The following STRBP variants were observed in gnomAD, a reference collection of about 807,000 sequenced individuals.
The protein encoded by STRBP is spermatid perinuclear RNA binding protein, also known as spermatid perinuclear RNA-binding protein.
A neutral mutation model predicts 80.1 loss-of-function variants in STRBP; 13 were observed. That is an observed-to-expected ratio of 0.16 (90% CI 0.11 to 0.26). STRBP has a LOEUF of 0.26. STRBP is among the 10% of genes least tolerant of loss of function. STRBP has a pLI of 1.00. For missense variants in STRBP, 485 were observed against 815.2 expected, an observed-to-expected ratio of 0.59 and a Z score of 4.93; for synonymous variants, 284 against 291.2, an observed-to-expected ratio of 0.98 and a Z score of 0.25.
intron 1 of STRBP, among the ~76,000 whole-genome samples, chr9:123,261,105 G>A (rs947750533): frequency 6.6e-6 from 1 of 152,176 alleles, no homozygotes; most frequent in African/African-American, 2.4e-5. Context: ...TACCAATAAC[G>A]TTCTTCTAAT....
intron 2 of STRBP, among the ~76,000 whole-genome samples, chr9:123,234,531 C>T (rs1411785094): frequency 2.6e-5 from 4 of 152,202 alleles, no homozygotes; most frequent in African/African-American, 9.7e-5. Flanking sequence ...TGTAGCAAGG[C>T]TCAGACTCAA....
At chr9:123,225,727 A>T (rs2040215409) in intron 2 of STRBP, among the ~76,000 whole-genome samples, 2 of 152,130 alleles carry the variant, frequency 1.3e-5, no homozygotes, top group South Asian at 4.1e-4. Flanking sequence ...CTGGATGCTA[A>T]CTTCTCAGCC....
chr9:123,231,670 CCT>C (rs1455745441), intron 2 of STRBP, among the ~76,000 whole-genome samples: 1 of 152,150 alleles, frequency 6.6e-6, no homozygotes, highest in East Asian at 1.9e-4. Context: ...TATCTCCCCT[CCT>C]CTTTTTTACT....
intron 2 of STRBP, among the ~76,000 whole-genome samples, chr9:123,224,509 ACATACTCACGATT>A (rs1226405734): frequency 6.6e-6 from 1 of 152,196 alleles, no homozygotes; most frequent in Non-Finnish European, 1.5e-5. Flanking sequence ...CCACCCACAG[ACATACTCACGATT>A]CATCTTTTCA....
intron 2 of STRBP, among the ~76,000 whole-genome samples, chr9:123,221,092 G>A (rs116856884): frequency 6.6e-6 from 1 of 152,036 alleles, no homozygotes; most frequent in African/African-American, 2.4e-5. Context: ...AGAAAAGGAG[G>A]AGCTAAGCTG....
At chr9:123,131,226 G>A (rs1305768814) in intron 17 of STRBP, among the ~76,000 whole-genome samples, 1 of 152,140 alleles carries the variant, frequency 6.6e-6, no homozygotes, top group African/African-American at 2.4e-5. Flanking sequence ...TCACACTATA[G>A]AAAGACTAAC....
chr9:123,116,958 C>T (rs953592990), downstream of STRBP, among the ~76,000 whole-genome samples: 2 of 152,270 alleles, frequency 1.3e-5, no homozygotes, highest in Admixed American at 1.3e-4. Context: ...GTTATTTCTT[C>T]TGGTGGTTAA....
At chr9:123,213,909 G>A (rs186846272) in intron 2 of STRBP, 1 of 144,298 alleles carries the variant, frequency 6.9e-6, no homozygotes, top group Admixed American at 7.1e-5. Context: ...GTGACAAAGC[G>A]AGACTCCATC....
At chr9:123,129,338 C>T (rs1302738508) in intron 17 of STRBP, among the ~76,000 whole-genome samples, 4 of 152,162 alleles carry the variant, frequency 2.6e-5, no homozygotes, top group Non-Finnish European at 5.9e-5. Context: ...GGCTGGGCAA[C>T]AGAGAGAGAT....
intron 6 of STRBP, among the ~76,000 whole-genome samples, chr9:123,168,877 A>G (rs2132422353): frequency 6.6e-6 from 1 of 152,350 alleles, no homozygotes; most frequent in African/African-American, 2.4e-5. Flanking sequence ...TCTCAAAACT[A>G]CCAATAACTG....
chr9:123,213,191 A>G (rs1456346817), intron 2 of STRBP, among the ~76,000 whole-genome samples: 1 of 152,310 alleles, frequency 6.6e-6, no homozygotes, highest in East Asian at 1.9e-4. Context: ...AGGGAAGATT[A>G]CCCTTCCAAC....
chr9:123,254,003 T>C (rs776729423), intron 1 of STRBP, among the ~76,000 whole-genome samples: 1 of 152,108 alleles, frequency 6.6e-6, no homozygotes, highest in Non-Finnish European at 1.5e-5. Context: ...AACTGAATCG[T>C]TCAGTTTAAA....
intron 1 of STRBP, among the ~76,000 whole-genome samples, chr9:123,266,981 C>G (rs1375356837): frequency 6.6e-6 from 1 of 151,788 alleles, no homozygotes; most frequent in Admixed American, 6.6e-5. Context: ...ATCCCGTTGT[C>G]CCCCTCTACT....
intron 1 of STRBP, among the ~76,000 whole-genome samples, chr9:123,265,197 T>TG (rs1169584864): frequency 6.6e-6 from 1 of 152,206 alleles, no homozygotes; most frequent in Non-Finnish European, 1.5e-5. Context: ...TCCAGGTTTT[T>TG]TTTTTAATAT....
Position 123,122,251 on chromosome 9 carries a change from G to T in STRBP, c.*3346C>A. ...ATATCTCAGCCTATTTTATACAAGT[G>T]ATATGGCTACGAAGGTCCGAGGAGA... On this transcript the variant is annotated 3_prime_UTR_variant, in exon 19 of 19. Transcript: ENST00000348403. 9.2e-7 allele frequency: 1 copy of T among 1,092,156 alleles called. No individual in the cohort carries two copies. The highest frequency in any genetic ancestry group is 1.2e-6 in the Non-Finnish European group (1 of 810,092). 67.7% of individuals were successfully genotyped at this position (1,092,156 alleles called of 1,614,324 possible).
At chr9:123,267,512 T>C (rs1194649276) in intron 1 of STRBP, among the ~76,000 whole-genome samples, 1 of 149,786 alleles carries the variant, frequency 6.7e-6, no homozygotes. Flanking sequence ...CCCGCCTCCC[T>C]GCAGGCTCCC....
intron 2 of STRBP, among the ~76,000 whole-genome samples, chr9:123,231,866 G>GA (rs1376699852): frequency 6.6e-6 from 1 of 152,062 alleles, no homozygotes; most frequent in East Asian, 1.9e-4. Context: ...GGTCTCTAAT[G>GA]AACCTACCCC....
rs758795001 is a variant in STRBP at position 123,140,342 on chromosome 9, C to G, written c.1339-655G>C. 2.6e-5 allele frequency among the ~76,000 whole-genome samples: 4 copies of G among 152,198 alleles called. No homozygotes were observed. In the East Asian group the frequency reaches 7.7e-4, roughly 29 times the overall value. On this transcript the variant is annotated intron_variant, in intron 13 of 18. Coordinates refer to ENST00000348403, the MANE Select transcript of STRBP (RefSeq NM_018387.5). ...AGACGCGGTGGCTCATGCCTGTAATCCCAGCACTTTGGGAAGCCAAGGCGG... is the reference window on the plus strand; with the variant it reads ...AGACGCGGTGGCTCATGCCTGTAATGCCAGCACTTTGGGAAGCCAAGGCGG...
Position 123,115,095 on chromosome 9 carries a change from G to A in STRBP, c.*84+834C>T. ...ATCATTGAAGGACACACCACCCAGGGCCTTTTAAGAAGTGACTGCAGACTG... is the reference window on the plus strand; with the variant it reads ...ATCATTGAAGGACACACCACCCAGGACCTTTTAAGAAGTGACTGCAGACTG... On this transcript the variant is annotated intron_variant and NMD_transcript_variant, in intron 3 of 3. Coordinates refer to the STRBP transcript ENST00000471564. This position sits in a 1 kb window ranked among gnomAD's most constrained non-coding sequence, Gnocchi z 5.0. 7.2e-6 allele frequency: 3 copies of A among 417,946 alleles called. No homozygotes were observed. Among genetic ancestry groups the A allele is most frequent in the South Asian group, 5.5e-5 (3 of 54,928 alleles). The allele number at this position is 417,946 out of a possible 1,614,324, so 25.9% of individuals were successfully genotyped here.
Sources: allele counts gnomAD v4.1 joint callset (sites outside exome capture counted in the v4.1 genomes callset), GRCh38; gene constraint gnomAD v4.1.1; non-coding constraint Gnocchi (gnomAD v3.1); transcripts MANE v1.5; gene names NCBI Gene and HGNC (gene_info 2026-07-23, HGNC 2026-07-21).